Variants in WDR25 observed in about 807,000 individuals in gnomAD.
WDR25 encodes WD repeat-containing protein 25.
Under a neutral mutation model 47.7 loss-of-function variants are expected in WDR25, and 35 were observed. The observed-to-expected ratio is 0.73, with a 90% CI of 0.56 to 0.97. The LOEUF is 0.97. Among genes scored for constraint, WDR25 ranks in the 50% least tolerant of loss-of-function variants. The probability of loss-of-function intolerance (pLI) is 0.00; values close to 1 mark genes in which losing one functional copy is unlikely to be tolerated. For synonymous variants in WDR25, 248 were observed against 278.9 expected, an observed-to-expected ratio of 0.89 and a Z score of 1.10; for missense variants, 634 against 704.7, an observed-to-expected ratio of 0.90 and a Z score of 1.14.
intron 2 of WDR25, among the ~76,000 whole-genome samples, chr14:100,410,131 A>G (rs918360584): frequency 6.6e-6 from 1 of 152,208 alleles, no homozygotes; most frequent in Non-Finnish European, 1.5e-5. Context: ...TCAAAGCTCT[A>G]TTGTTAAAGT....
intron 4 of WDR25, among the ~76,000 whole-genome samples, chr14:100,490,649 T>TG (rs1352473834): frequency 7.9e-5 from 12 of 152,336 alleles, no homozygotes; most frequent in Admixed American, 2.6e-4. Flanking sequence ...TAGCCAGATT[T>TG]GGGGGCCATG....
intron 4 of WDR25, among the ~76,000 whole-genome samples, chr14:100,518,977 T>C (rs1399660586): frequency 6.6e-6 from 1 of 152,166 alleles, no homozygotes; most frequent in Non-Finnish European, 1.5e-5. Flanking sequence ...CTGTTTATTT[T>C]TTTCTTCAGC....
rs1277512122 is a variant in WDR25, at chr14:100,525,435, G to A, written c.1102-435G>A. Among the ~76,000 whole-genome samples the A allele has an allele frequency of 1.3e-5, 2 of 152,184 alleles. No individual in the cohort carries two copies. Among genetic ancestry groups the A allele is most frequent in the Non-Finnish European group, 2.9e-5 (2 of 68,040 alleles). On this transcript the variant is annotated intron_variant, in intron 4 of 6. Transcript: ENST00000402312. The surrounding 1 kb of genome is among the most constrained non-coding windows in gnomAD (Gnocchi z 4.6). ...AGCACACTTGCTCCTGCATTACTGT[G>A]GCTCCTCTGGGACAACAATCTGGGA...
chr14:100,378,374 G>T (rs183897953), intron 1 of WDR25, among the ~76,000 whole-genome samples: 247 of 152,182 alleles, frequency 1.6e-3, no homozygotes, highest in African/African-American at 5.8e-3. Flanking sequence ...TCACCATGTT[G>T]GCCAGGCTGG....
chr14:100,436,821 G>A (rs114407328), intron 2 of WDR25, among the ~76,000 whole-genome samples: 18 of 152,340 alleles, frequency 1.2e-4, no homozygotes, highest in African/African-American at 4.3e-4. Context: ...CCCCTGAGCT[G>A]TGGAGGGTAC....
chr14:100,403,031 A>G (rs1282160010), intron 2 of WDR25, among the ~76,000 whole-genome samples: 3 of 134,218 alleles, frequency 2.2e-5, no homozygotes, highest in Non-Finnish European at 5.3e-5. Flanking sequence ...GGGCTTCTGT[A>G]TTAGCAGTGT....
chr14:100,461,231 G>C (rs890598529), intron 2 of WDR25, among the ~76,000 whole-genome samples: 2 of 151,972 alleles, frequency 1.3e-5, no homozygotes, highest in African/African-American at 4.8e-5. Context: ...GAAAAGAAAA[G>C]AAAAGAAAAT....
rs1391547729 is a variant in WDR25, at chr14:100,438,527, G to A, written c.823-29494G>A. Among the ~76,000 whole-genome samples, 4 of 152,274 alleles carry A rather than the reference G, an allele frequency of 2.6e-5. No individual in the cohort carries two copies. In the South Asian group the frequency reaches 6.2e-4, roughly 24 times the overall value. On this transcript the variant is annotated intron_variant, in intron 2 of 6. Coordinates refer to ENST00000402312, the MANE Select transcript of WDR25 (RefSeq NM_001161476.3). ...TGAATTGAATGAGCTTTTATTGAAC[G>A]CCCACTCTGTGCCAGACACCAGCTC...
chr14:100,524,152 A>G (rs1244213891), intron 4 of WDR25, among the ~76,000 whole-genome samples: 1 of 151,924 alleles, frequency 6.6e-6, no homozygotes, highest in Non-Finnish European at 1.5e-5. Flanking sequence ...GTTCTCCTCA[A>G]AAAGTTTGTC....
chr14:100,486,655 A>T (rs957659952), intron 4 of WDR25, among the ~76,000 whole-genome samples: 1 of 152,072 alleles, frequency 6.6e-6, no homozygotes, highest in African/African-American at 2.4e-5. Context: ...CTCACTTCTT[A>T]TCCCTGTGGG....
intron 2 of WDR25, among the ~76,000 whole-genome samples, chr14:100,401,405 G>A (rs564292970): frequency 7.9e-5 from 12 of 152,172 alleles, no homozygotes; most frequent in Non-Finnish European, 1.8e-4. Flanking sequence ...TCTGAGTGTC[G>A]TGGAGGCTGG....
intron 2 of WDR25, among the ~76,000 whole-genome samples, chr14:100,399,449 T>C (rs1897327463): frequency 6.6e-6 from 1 of 152,122 alleles, no homozygotes. Flanking sequence ...CGGTACTTTT[T>C]TCACTATGCT....
chr14:100,379,359 G>A (rs1215119169), intron 1 of WDR25, among the ~76,000 whole-genome samples: 1 of 151,418 alleles, frequency 6.6e-6, no homozygotes, highest in Admixed American at 6.6e-5. Flanking sequence ...TTTCTCTGTA[G>A]GCATTGTCTC....
At chr14:100,460,815 A>T (rs1413407157) in intron 2 of WDR25, among the ~76,000 whole-genome samples, 1 of 152,230 alleles carries the variant, frequency 6.6e-6, no homozygotes, top group African/African-American at 2.4e-5. Context: ...AGAGTTATTT[A>T]GCATTCTACT....
intron 2 of WDR25, among the ~76,000 whole-genome samples, chr14:100,410,605 C>T (rs369275165): frequency 3.9e-5 from 6 of 151,992 alleles, no homozygotes; most frequent in South Asian, 2.1e-4. Flanking sequence ...CGTCCTTGCA[C>T]GGAGGACAGC....
Position 100,430,075 on chromosome 14 carries a change from A to G in WDR25, c.823-37946A>G, listed in dbSNP as rs1898283019. ...CTCAATGAATGTTTGTTATATTTGAATCTGAAAGGTTCCAGAAAGATGAGA... is the reference window on the plus strand; with the variant it reads ...CTCAATGAATGTTTGTTATATTTGAGTCTGAAAGGTTCCAGAAAGATGAGA... On this transcript the variant is annotated intron_variant, in intron 2 of 6. Transcript: ENST00000402312. The surrounding 1 kb of genome is among the most constrained non-coding windows in gnomAD (Gnocchi z 4.7). Among the ~76,000 whole-genome samples, 1 of 151,936 alleles carries G rather than the reference A, an allele frequency of 6.6e-6. No individual in the cohort carries two copies. The highest frequency in any genetic ancestry group is 1.5e-5 in the Non-Finnish European group (1 of 67,980).
chr14:100,459,898 A>ATGTG (rs1899330447), intron 2 of WDR25, among the ~76,000 whole-genome samples: 1 of 30,246 alleles, frequency 3.3e-5, no homozygotes, highest in African/African-American at 1.1e-4. Context: ...GTGTGTGTAT[A>ATGTG]TATATATATA....
At chr14:100,517,299 G>A (rs1217765372) in intron 4 of WDR25, among the ~76,000 whole-genome samples, 1 of 151,400 alleles carries the variant, frequency 6.6e-6, no homozygotes, top group African/African-American at 2.4e-5. Flanking sequence ...GGATGGTCTG[G>A]ATCTCTTGAC....
intron 2 of WDR25, among the ~76,000 whole-genome samples, chr14:100,409,230 G>A (rs1053247015): frequency 2.6e-5 from 4 of 152,240 alleles, no homozygotes; most frequent in African/African-American, 9.6e-5. Context: ...TCCGGCTCCA[G>A]CCTCTCATTT....
Sources: allele counts gnomAD v4.1 joint callset (sites outside exome capture counted in the v4.1 genomes callset), GRCh38; gene constraint gnomAD v4.1.1; non-coding constraint Gnocchi (gnomAD v3.1); transcripts MANE v1.5; gene names NCBI Gene and HGNC (gene_info 2026-07-23, HGNC 2026-07-21).